SOX5: variants seen among roughly 807,000 people sequenced by gnomAD.
SOX5 encodes SRY-box transcription factor 5.
SOX5 carries 9 observed loss-of-function variants against 92.0 expected under a neutral mutation model. The ratio of observed to expected loss-of-function variants is 0.10; its 90% CI spans 0.06 to 0.17. The LOEUF (loss-of-function observed/expected upper bound fraction) is 0.17. Among genes scored for constraint, SOX5 ranks in the 10% least tolerant of loss-of-function variants. The pLI is 1.00. For missense variants in SOX5, 642 were observed against 944.5 expected, an observed-to-expected ratio of 0.68 and a Z score of 4.20; for synonymous variants, 344 against 336.3, an observed-to-expected ratio of 1.02 and a Z score of -0.25.
At chr12:24,240,020 TA>T (rs1233208320) in intron 3 of SOX5, among the ~76,000 whole-genome samples, 2 of 152,162 alleles carry the variant, frequency 1.3e-5, no homozygotes, top group African/African-American at 4.8e-5. Context: ...TTTACATACA[TA>T]AAGTTATGGC....
intron 6 of SOX5, among the ~76,000 whole-genome samples, chr12:23,684,587 T>C (rs2087195685): frequency 6.6e-6 from 1 of 152,058 alleles, no homozygotes; most frequent in South Asian, 2.1e-4. Context: ...TTAAAGAACA[T>C]GAGGTTTTGG....
chr12:24,105,040 C>T (rs1946521313), intron 4 of SOX5, among the ~76,000 whole-genome samples: 1 of 152,152 alleles, frequency 6.6e-6, no homozygotes, highest in African/African-American at 2.4e-5. Context: ...ATATCATCTA[C>T]TGAAGAATGG....
intron 8 of SOX5, among the ~76,000 whole-genome samples, chr12:23,640,545 G>A (rs559908168): frequency 1.4e-4 from 21 of 152,156 alleles, no homozygotes; most frequent in African/African-American, 4.6e-4. Flanking sequence ...ATTATGGCAC[G>A]CAGTAATCAA....
At chr12:24,428,761 C>CAAAAAAAAAAAAAAAAAAAAAAAAAAAAA in intron 1 of SOX5, among the ~76,000 whole-genome samples, 1 of 52,560 alleles carries the variant, frequency 1.9e-5, no homozygotes, top group East Asian at 5.3e-4. Context: ...AAAAAAAAAG[C>CAAAAAAAAAAAAAAAAAAAAAAAAAAAAA]TAATTTCCTC....
chr12:23,997,833 A>G (rs1951184126), intron 4 of SOX5, among the ~76,000 whole-genome samples: 1 of 152,212 alleles, frequency 6.6e-6, no homozygotes, highest in Admixed American at 6.5e-5. Flanking sequence ...AAATTTTTCT[A>G]TAAAAAGAAA....
At chr12:23,789,729 C>A (rs1413230446) in intron 3 of SOX5, among the ~76,000 whole-genome samples, 1 of 151,906 alleles carries the variant, frequency 6.6e-6, no homozygotes, top group Non-Finnish European at 1.5e-5. Context: ...AAGGAGATCA[C>A]AGAAAAAGGT....
intron 1 of SOX5, among the ~76,000 whole-genome samples, chr12:24,431,741 G>A (rs932934851): frequency 2.0e-5 from 3 of 152,112 alleles, no homozygotes; most frequent in African/African-American, 7.2e-5. Flanking sequence ...TACCCAAGAA[G>A]GGAATTTATA....
chr12:24,187,182 C>A (rs1349381053), intron 4 of SOX5, among the ~76,000 whole-genome samples: 1 of 152,026 alleles, frequency 6.6e-6, no homozygotes, highest in Non-Finnish European at 1.5e-5. Flanking sequence ...GAGTATTAGA[C>A]CAACAGAAAG....
chr12:24,243,439 T>C (rs564527300), intron 3 of SOX5, among the ~76,000 whole-genome samples: 1 of 152,258 alleles, frequency 6.6e-6, no homozygotes, highest in South Asian at 2.1e-4. Context: ...TGCAACCAAG[T>C]CATTAAAAGT....
At chr12:23,705,914 TGC>T (rs548083796) in intron 6 of SOX5, among the ~76,000 whole-genome samples, 57 of 152,148 alleles carry the variant, frequency 3.7e-4, no homozygotes, top group Middle Eastern at 3.4e-3. Context: ...CTTGCTCAGT[TGC>T]ACACAAATGT....
intron 1 of SOX5, among the ~76,000 whole-genome samples, chr12:24,512,341 T>C (rs1363324869): frequency 6.6e-6 from 1 of 152,262 alleles, no homozygotes; most frequent in African/African-American, 2.4e-5. Flanking sequence ...TGTCATAAGC[T>C]GTAAATCCTT....
chr12:24,117,196 T>C (rs951480233), intron 4 of SOX5, among the ~76,000 whole-genome samples: 1 of 152,118 alleles, frequency 6.6e-6, no homozygotes, highest in African/African-American at 2.4e-5. Flanking sequence ...GAATGGCCAA[T>C]AGACATGTTT....
intron 1 of SOX5, among the ~76,000 whole-genome samples, chr12:24,410,231 C>T (rs1963828137): frequency 6.6e-6 from 1 of 152,078 alleles, no homozygotes; most frequent in Non-Finnish European, 1.5e-5. Context: ...CTCCTGAGTT[C>T]AATTGATCCG....
chr12:24,049,857 G>A lies in SOX5; in HGVS notation c.-1-153833C>T, dbSNP rs528555033. Among the ~76,000 whole-genome samples, 23 of 151,600 alleles carry A rather than the reference G, an allele frequency of 1.5e-4. No individual in the cohort carries two copies. The South Asian group carries it at 2.7e-3, about 18-fold the overall frequency. ...CTGCAGTGTTTCTGTTGTGATTGTC[G>A]GAGGGAAGTGGAGCCAGTGCAATTT... On this transcript the variant is annotated intron_variant, in intron 4 of 4. Transcript: ENST00000446891.
intron 9 of SOX5, among the ~76,000 whole-genome samples, chr12:23,576,078 G>T (rs1418498880): frequency 6.6e-6 from 1 of 152,162 alleles, no homozygotes; most frequent in Admixed American, 6.5e-5. Flanking sequence ...CCCACAGAAA[G>T]CAGATAATTT....
chr12:24,451,049 T>C (rs1942226304), intron 1 of SOX5, among the ~76,000 whole-genome samples: 1 of 152,198 alleles, frequency 6.6e-6, no homozygotes, highest in Non-Finnish European at 1.5e-5. Context: ...ATGTGATATT[T>C]GTCTTTCTGT....
chr12:23,953,960 A>C (rs973520495), upstream of SOX5, among the ~76,000 whole-genome samples: 1 of 152,062 alleles, frequency 6.6e-6, no homozygotes, highest in Non-Finnish European at 1.5e-5. Context: ...TAAGGAATAT[A>C]AGATATGCTA....
chr12:24,087,670 A>T (rs1177095296), intron 4 of SOX5, among the ~76,000 whole-genome samples: 4 of 152,098 alleles, frequency 2.6e-5, no homozygotes, highest in Admixed American at 2.6e-4. Context: ...TTAAGGCATA[A>T]CCCTGGCTTG....
At chr12:24,169,448 C>T (rs1953809744) in intron 4 of SOX5, among the ~76,000 whole-genome samples, 1 of 152,182 alleles carries the variant, frequency 6.6e-6, no homozygotes, top group Admixed American at 6.5e-5. Flanking sequence ...CACTCCAAAT[C>T]AGTTCCTCAG....
Sources: gnomAD v4.1 joint callset for allele counts (sites outside exome capture counted in the v4.1 genomes callset) on GRCh38, gnomAD v4.1.1 for gene constraint, MANE v1.5 for transcripts, NCBI Gene and HGNC (gene_info 2026-07-23, HGNC 2026-07-21) for gene names.